MAP2: variants seen among roughly 807,000 people sequenced by gnomAD.
MAP2 encodes microtubule associated protein 2.
MAP2 carries 14 observed loss-of-function variants against 137.6 expected under a neutral mutation model. The observed-to-expected ratio is 0.10, with a 90% CI of 0.07 to 0.16. The LOEUF is 0.16. Ranked by LOEUF, MAP2 falls within the 10% of genes least tolerant of loss-of-function variation. The pLI, the probability that MAP2 is intolerant of heterozygous loss-of-function variation, is 1.00. For synonymous variants in MAP2, 786 were observed against 782.3 expected (o/e 1.00, Z -0.08); for missense variants, 2,088 against 2,191.5 (o/e 0.95, Z 0.94).
intron 2 of MAP2, among the ~76,000 whole-genome samples, chr2:209,566,233 C>G (rs2073385218): frequency 6.6e-6 from 1 of 152,150 alleles, no homozygotes; most frequent in African/African-American, 2.4e-5. Flanking sequence ...ATTAATATAT[C>G]CTCTGTCACG....
chr2:209,477,363 A>G (rs1707526256), intron 1 of MAP2, among the ~76,000 whole-genome samples: 1 of 152,188 alleles, frequency 6.6e-6, no homozygotes, highest in Non-Finnish European at 1.5e-5. Context: ...AAATATGAAG[A>G]AGTCAAACTG....
intron 2 of MAP2, among the ~76,000 whole-genome samples, chr2:209,533,938 C>T (rs1407165711): frequency 2.0e-5 from 3 of 152,110 alleles, no homozygotes; most frequent in African/African-American, 4.8e-5. Flanking sequence ...AGAGTGAGAG[C>T]AGGGACCACA....
intron 13 of MAP2, among the ~76,000 whole-genome samples, chr2:209,723,439 T>C (rs1217943727): frequency 6.6e-6 from 1 of 152,220 alleles, no homozygotes; most frequent in Non-Finnish European, 1.5e-5. Flanking sequence ...ATTTACATGA[T>C]AGAACAGTTC....
At chr2:209,432,099 A>G (rs964712283) in intron 1 of MAP2, among the ~76,000 whole-genome samples, 14 of 152,178 alleles carry the variant, frequency 9.2e-5, no homozygotes, top group Non-Finnish European at 5.9e-5. Context: ...TTGGCTCAAC[A>G]TATAAGGGGA....
chr2:209,725,020 A>G (rs1309564059), intron 13 of MAP2, among the ~76,000 whole-genome samples: 1 of 152,234 alleles, frequency 6.6e-6, no homozygotes, highest in African/African-American at 2.4e-5. Flanking sequence ...CCTTGTTTAA[A>G]TATGCAGACA....
intron 4 of MAP2, among the ~76,000 whole-genome samples, chr2:209,643,387 A>G (rs2094176462): frequency 6.6e-6 from 1 of 152,276 alleles, no homozygotes; most frequent in African/African-American, 2.4e-5. Flanking sequence ...GGAAAGTTCT[A>G]TTCTTCTTAA....
chr2:209,450,469 A>AAAT (rs1700068179), intron 1 of MAP2, among the ~76,000 whole-genome samples: 1 of 152,286 alleles, frequency 6.6e-6, no homozygotes, highest in South Asian at 2.1e-4. Context: ...ATTTCATTTC[A>AAAT]GTTAGTCTTA....
chr2:209,460,335 A>G (rs945636876), intron 1 of MAP2, among the ~76,000 whole-genome samples: 1 of 152,216 alleles, frequency 6.6e-6, no homozygotes, highest in Non-Finnish European at 1.5e-5. Flanking sequence ...TTCAGAGGAA[A>G]ACAACATAGG....
rs569243476 is a variant in MAP2 at position 209,501,353 on chromosome 2, A to G, written c.-221-6239A>G. ...TCATCTTGTATTCCTTGTGAGGTAT[A>G]ATCAGGCCTATTTGAGTTTGACATA... On this transcript the variant is annotated intron_variant, in intron 1 of 15. Coordinates refer to ENST00000682079, the MANE Select transcript of MAP2 (RefSeq NM_001375505.1). Among the ~76,000 whole-genome samples, 5 of 152,310 alleles carry G rather than the reference A, an allele frequency of 3.3e-5. No individual in the cohort carries two copies. In the South Asian group the frequency reaches 8.3e-4, roughly 25 times the overall value.
At chr2:209,730,006 ATTCTTCTG>A in intron 15 of MAP2, 44 bp downstream of exon 15, 3 of 1,415,440 alleles carry the variant, frequency 2.1e-6, no homozygotes, top group African/African-American at 1.4e-5. Flanking sequence ...TTTAAAAAAA[ATTCTTCTG>A]AAATACTCTT....
chr2:209,720,782 AT>A (rs1046917187), intron 13 of MAP2, among the ~76,000 whole-genome samples: 2 of 151,344 alleles, frequency 1.3e-5, no homozygotes, highest in Admixed American at 6.6e-5. Flanking sequence ...AATAGTAGTT[AT>A]TTTTTTTCTA....
At chr2:209,646,698 AAT>A (rs539459415) in intron 4 of MAP2, among the ~76,000 whole-genome samples, 14 of 152,124 alleles carry the variant, frequency 9.2e-5, no homozygotes, top group Non-Finnish European at 2.1e-4. Context: ...TGAAAATTGG[AAT>A]ATGTCTGTCC....
chr2:209,676,389 G>A (rs2051468861), intron 5 of MAP2, among the ~76,000 whole-genome samples: 1 of 151,806 alleles, frequency 6.6e-6, no homozygotes, highest in Non-Finnish European at 1.5e-5. Context: ...CCTATTGGAA[G>A]GTGGAGGATT....
At chr2:209,586,548 G>A (rs2077778241) in intron 3 of MAP2, among the ~76,000 whole-genome samples, 1 of 152,138 alleles carries the variant, frequency 6.6e-6, no homozygotes, top group African/African-American at 2.4e-5. Context: ...CTTCTAGAGA[G>A]TGGAACTAAT....
chr2:209,527,991 T>TTCTC (rs2064341494), intron 2 of MAP2, among the ~76,000 whole-genome samples: 1 of 152,134 alleles, frequency 6.6e-6, no homozygotes, highest in Non-Finnish European at 1.5e-5. Context: ...TTATACGAAG[T>TTCTC]TCTCTCTCTA....
intron 1 of MAP2, among the ~76,000 whole-genome samples, chr2:209,433,118 A>G (rs896908722): frequency 8.5e-5 from 13 of 152,156 alleles, no homozygotes; most frequent in Admixed American, 4.6e-4. Context: ...GGAAAATATC[A>G]GAAGAAACCA....
At chr2:209,613,021 G>A (rs2087519601) in intron 3 of MAP2, among the ~76,000 whole-genome samples, 1 of 152,060 alleles carries the variant, frequency 6.6e-6, no homozygotes, top group Non-Finnish European at 1.5e-5. Flanking sequence ...TAAATTCTTG[G>A]AGACTATTGC....
chr2:209,503,504 T>C (rs1457816845), intron 1 of MAP2, among the ~76,000 whole-genome samples: 1 of 152,130 alleles, frequency 6.6e-6, no homozygotes, highest in Non-Finnish European at 1.5e-5. Flanking sequence ...AAGAAGCTTA[T>C]TCCCTATGTT....
At chr2:209,617,522 A>G (rs1220166920) in intron 3 of MAP2, among the ~76,000 whole-genome samples, 1 of 152,136 alleles carries the variant, frequency 6.6e-6, no homozygotes, top group Non-Finnish European at 1.5e-5. Context: ...AATCCAAAGG[A>G]GCCAAAGTCA....
Sources: gnomAD v4.1 joint callset for allele counts (sites outside exome capture counted in the v4.1 genomes callset) on GRCh38, gnomAD v4.1.1 for gene constraint, MANE v1.5 for transcripts, NCBI Gene and HGNC (gene_info 2026-07-23, HGNC 2026-07-21) for gene names.